ZHX3: variants seen among roughly 807,000 people sequenced by gnomAD.
ZHX3 encodes the protein zinc fingers and homeoboxes protein 3.
Under a neutral mutation model 64.5 loss-of-function variants are expected in ZHX3, and 20 were observed. That is an observed-to-expected ratio of 0.31 (90% CI 0.22 to 0.45). The LOEUF is 0.45. Ranked by LOEUF, ZHX3 falls within the 20% of genes least tolerant of loss-of-function variation. The pLI, the probability that ZHX3 is intolerant of heterozygous loss-of-function variation, is 1.00. For synonymous variants in ZHX3, 423 were observed against 461.6 expected (o/e 0.92, Z 1.07); for missense variants, 1,041 against 1,195.8 (o/e 0.87, Z 1.91).
In ZHX3 at chr20:41,200,862, T is replaced by A. The variant is rs1304983044; in HGVS notation, c.2860+1195A>T. 6.6e-6 allele frequency among the ~76,000 whole-genome samples: 1 copy of A among 152,162 alleles called. No homozygotes were observed. The highest frequency in any genetic ancestry group is 1.5e-5 in the Non-Finnish European group (1 of 68,026). The stretch of plus-strand genomic sequence containing the variant: ...TTCAGTAAAGAAACAATAGCATAAC[T>A]ATGTTTCAAACTGTTGTGTTCAAAT... On this transcript the variant is annotated intron_variant, in intron 3 of 3. Transcript: ENST00000683867. This position sits in a 1 kb window ranked among gnomAD's most constrained non-coding sequence, Gnocchi z 4.2.
chr20:41,205,930 G>A (rs1174671387), intron 2 of ZHX3, among the ~76,000 whole-genome samples: 1 of 152,196 alleles, frequency 6.6e-6, no homozygotes, highest in African/African-American at 2.4e-5. Context: ...ACAGCTGGGT[G>A]CCCCTCTGAG....
chr20:41,271,045 A>T lies in ZHX3; in HGVS notation c.-244-1962T>A, dbSNP rs140826738. On this transcript the variant is annotated intron_variant, in intron 1 of 3. Transcript: ENST00000683867. The stretch of plus-strand genomic sequence containing the variant: ...TATTTTTGTTTTTTGTTTTTGAGAG[A>T]GAGTCTCACTCTGTCCCCAGGCTGG... Among the ~76,000 whole-genome samples, 634 of 152,226 alleles carry T rather than the reference A, an allele frequency of 4.2e-3. 3 individuals carry two copies. The highest frequency in any genetic ancestry group is 7.1e-3 in the Non-Finnish European group (481 of 68,004).
intron 2 of ZHX3, among the ~76,000 whole-genome samples, chr20:41,229,154 T>C (rs1398063405): frequency 1.3e-5 from 2 of 152,238 alleles, no homozygotes; most frequent in East Asian, 1.9e-4. Flanking sequence ...TTTACATAAG[T>C]GGACTCATAT....
intron 1 of ZHX3, among the ~76,000 whole-genome samples, chr20:41,298,808 G>A (rs538861037): frequency 6.6e-6 from 1 of 152,296 alleles, no homozygotes; most frequent in African/African-American, 2.4e-5. Context: ...GAGGGACTTG[G>A]GAGATGAAAG....
In ZHX3 at chr20:41,280,573, GTTTT is replaced by G. The variant is rs548791402; in HGVS notation, c.-244-11494_-244-11491del. ...TAAAAAAACAAAGCTATGTTTTTCT[GTTTT>G]TTTGTTTTTTGTTTTTTTTAGTAGA... is the stretch of plus-strand genomic sequence containing the variant. On this transcript the variant is annotated intron_variant, in intron 1 of 3. Coordinates refer to ENST00000683867, the MANE Select transcript of ZHX3 (RefSeq NM_001384317.1). Among the ~76,000 whole-genome samples, 3 of 152,080 alleles carry G rather than the reference GTTTT, an allele frequency of 2.0e-5. No homozygotes were observed. In the South Asian group the frequency reaches 6.3e-4, roughly 32 times the overall value.
intron 1 of ZHX3, among the ~76,000 whole-genome samples, chr20:41,291,665 T>G (rs555514199): frequency 6.6e-6 from 1 of 152,048 alleles, no homozygotes; most frequent in Non-Finnish European, 1.5e-5. Flanking sequence ...CGTGTTTGTG[T>G]ATGCATATGT....
intron 1 of ZHX3, among the ~76,000 whole-genome samples, chr20:41,281,764 TG>T (rs1185318893): frequency 1.3e-5 from 2 of 152,170 alleles, no homozygotes; most frequent in Admixed American, 1.3e-4. Flanking sequence ...CAAACAGTGA[TG>T]GGTGTTTAAA....
intron 1 of ZHX3, among the ~76,000 whole-genome samples, chr20:41,276,474 C>T (rs1220510579): frequency 6.6e-6 from 1 of 152,202 alleles, no homozygotes; most frequent in South Asian, 2.1e-4. Context: ...GGTCTCAAAA[C>T]AACTGCTGTG....
intron 2 of ZHX3, chr20:41,239,692 C>T (rs973645469): frequency 1.3e-5 from 2 of 152,174 alleles, no homozygotes; most frequent in African/African-American, 4.8e-5. Context: ...TTCCCTGTTT[C>T]CTATGGAAGG....
intron 2 of ZHX3, among the ~76,000 whole-genome samples, chr20:41,230,014 C>T (rs1022417748): frequency 6.6e-6 from 1 of 152,152 alleles, no homozygotes; most frequent in South Asian, 2.1e-4. Context: ...AAAAGACTGT[C>T]CTATTCCCAT....
rs1426144024 is a variant in ZHX3 at position 41,202,193 on chromosome 20, C to T, written c.2724G>A (p.Glu908=). ...GSEDQGPGTG[E]LTAVHKGMGD... ...CCATCCCTTTGTGAACTGCTGTGAGCTCACCAGTACCAGGGCCCTGGTCCT... is the reference window on the plus strand; with the variant it reads ...CCATCCCTTTGTGAACTGCTGTGAGTTCACCAGTACCAGGGCCCTGGTCCT... The change falls in exon 3 of 4, where the codon GAG becomes GAA. Residue 908 remains glutamate, a synonymous_variant. Transcript: ENST00000683867. The surrounding 1 kb of genome is among the most constrained non-coding windows in gnomAD (Gnocchi z 7.0). The T allele has an allele frequency of 3.1e-6, 5 of 1,614,080 alleles. No homozygotes were observed. The highest frequency in any genetic ancestry group is 4.2e-6 in the Non-Finnish European group (5 of 1,180,042).
chr20:41,256,994 T>C (rs1227692912), intron 2 of ZHX3, among the ~76,000 whole-genome samples: 4 of 152,150 alleles, frequency 2.6e-5, no homozygotes, highest in African/African-American at 4.8e-5. Context: ...TCTGTACCCA[T>C]TGTTTAGCTC....
At chr20:41,289,206 T>C (rs1478051614) in intron 1 of ZHX3, among the ~76,000 whole-genome samples, 1 of 152,088 alleles carries the variant, frequency 6.6e-6, no homozygotes, top group Admixed American at 6.5e-5. Flanking sequence ...CTCACTTTGT[T>C]GCCCAGGCTG....
At position 41,204,663 on chromosome 20, in the gene ZHX3, C is replaced by G. The variant is rs1257455732; in HGVS notation, c.254G>C (p.Arg85Thr). Residue 85 changes from arginine (R) to threonine (T), a missense_variant, in exon 3 of 4, where the codon AGA (arginine) becomes ACA (threonine). Physicochemically the swap from Arg to Thr is moderately conservative, Grantham distance 71. Coordinates refer to ENST00000683867, the MANE Select transcript of ZHX3 (RefSeq NM_001384317.1). This position sits in a 1 kb window ranked among gnomAD's most constrained non-coding sequence, Gnocchi z 6.6. ...YLYSCKYCDFRSHDMTQFVGH... is the reference protein window; with the variant it reads ...YLYSCKYCDFTSHDMTQFVGH... Reference sequence around the variant, plus strand: ...CACAAATTGGGTCATGTCATGGGATCTGAAATCGCAGTATTTACAGGAATA... The same window carrying G: ...CACAAATTGGGTCATGTCATGGGATGTGAAATCGCAGTATTTACAGGAATA... 2 of 1,614,220 alleles carry G rather than the reference C, an allele frequency of 1.2e-6. No individual in the cohort carries two copies. Among genetic ancestry groups the G allele is most frequent in the South Asian group, 2.2e-5 (2 of 91,080 alleles).
chr20:41,275,859 C>T, intron 1 of ZHX3, among the ~76,000 whole-genome samples: 1 of 152,146 alleles, frequency 6.6e-6, no homozygotes, highest in East Asian at 1.9e-4. Context: ...TAGTTGCACT[C>T]AGTTAACCTG....
chr20:41,218,790 T>C (rs796692333), intron 2 of ZHX3, among the ~76,000 whole-genome samples: 10 of 152,298 alleles, frequency 6.6e-5, no homozygotes, highest in African/African-American at 2.4e-4. Flanking sequence ...CAAAGCAATG[T>C]CAAGCCCAGA....
At chr20:41,298,930 G>A (rs2146796358) in intron 1 of ZHX3, among the ~76,000 whole-genome samples, 1 of 151,534 alleles carries the variant, frequency 6.6e-6, no homozygotes, top group East Asian at 1.9e-4. Context: ...GGCTTCCTAT[G>A]AGGAAGACTG....
intron 2 of ZHX3, among the ~76,000 whole-genome samples, chr20:41,268,389 G>C (rs975915901): frequency 1.3e-5 from 2 of 151,900 alleles, no homozygotes; most frequent in Non-Finnish European, 2.9e-5. Flanking sequence ...TTTGCTTTCC[G>C]TATTAAGTTT....
rs905232670 is a variant in ZHX3 at position 41,232,143 on chromosome 20, C to T, written c.-150-27077G>A. ...GATTTATGGGTAATGGCCACAGAAA[C>T]GAAGACAATTTTGCCTAGGCAAGAG... On this transcript the variant is annotated intron_variant, in intron 2 of 3. Transcript: ENST00000683867. The surrounding 1 kb of genome is among the most constrained non-coding windows in gnomAD (Gnocchi z 5.0). 2.6e-5 allele frequency among the ~76,000 whole-genome samples: 4 copies of T among 151,942 alleles called. No individual in the cohort carries two copies. The highest frequency in any genetic ancestry group is 7.3e-5 in the African/African-American group (3 of 41,354).
Sources: allele counts gnomAD v4.1 joint callset (sites outside exome capture counted in the v4.1 genomes callset), GRCh38; gene constraint gnomAD v4.1.1; non-coding constraint Gnocchi (gnomAD v3.1); transcripts MANE v1.5; gene names NCBI Gene and HGNC (gene_info 2026-07-23, HGNC 2026-07-21).